The following ZYG11A variants were observed in gnomAD, a reference collection of about 807,000 sequenced individuals.
ZYG11A encodes protein zyg-11 homolog A.
Under a neutral mutation model 77.2 loss-of-function variants are expected in ZYG11A, and 62 were observed. The ratio of observed to expected loss-of-function variants is 0.80; its 90% confidence interval spans 0.65 to 0.99. ZYG11A has a LOEUF of 0.99. Ranked by LOEUF, ZYG11A falls within the 50% of genes least tolerant of loss-of-function variation. The probability of loss-of-function intolerance (pLI) is 0.00; values close to 1 mark genes in which losing one functional copy is unlikely to be tolerated. For missense variants in ZYG11A, 828 were observed against 896.8 expected (o/e 0.92, Z 0.98); for synonymous variants, 315 against 324.6 (o/e 0.97, Z 0.32).
In ZYG11A at chr1:52,849,266, C is replaced by T. The variant is rs190722349; in HGVS notation, c.91-5199C>T. ...TGTATTTTTAGTAGAGATGGGGTTTCACCATATTTGCCAGGATGGTCTCAA... is the reference window on the plus strand; with the variant it reads ...TGTATTTTTAGTAGAGATGGGGTTTTACCATATTTGCCAGGATGGTCTCAA... On this transcript the variant is annotated intron_variant, in intron 1 of 13. Transcript: ENST00000371528. Among the ~76,000 whole-genome samples, 781 of 151,996 alleles carry T rather than the reference C, an allele frequency of 5.1e-3. 8 individuals carry two copies. The highest frequency in any genetic ancestry group is 0.018 in the African/African-American group (757 of 41,484).
At chr1:52,845,165 A>G (rs1645538956) in intron 1 of ZYG11A, among the ~76,000 whole-genome samples, 1 of 152,060 alleles carries the variant, frequency 6.6e-6, no homozygotes, top group Admixed American at 6.6e-5. Flanking sequence ...ATCTCTAGCA[A>G]TATTCTTGTC....
chr1:52,888,835 A>G (rs1646490673), intron 13 of ZYG11A, among the ~76,000 whole-genome samples: 1 of 152,180 alleles, frequency 6.6e-6, no homozygotes, highest in African/African-American at 2.4e-5. Context: ...TAAGATAAGA[A>G]AGAAGGAAAG....
rs1646569673 is a variant in ZYG11A, at chr1:52,892,860, C to T, written c.2183C>T (p.Thr728Ile). The change falls in exon 14 of 14, where the codon ACC becomes ATC. Residue 728 changes from threonine (T) to isoleucine (I), a missense_variant. Transcript: ENST00000371528. ...GATATCCAGGAGCACAGTGAGGCAACCCCCAAAGCACAGCAGATTGCAGCC... is the reference window on the plus strand; with the variant it reads ...GATATCCAGGAGCACAGTGAGGCAATCCCCAAAGCACAGCAGATTGCAGCC... ...LCDIQEHSEA[T>I]PKAQQIAASI... 1.3e-6 allele frequency: 2 copies of T among 1,551,546 alleles called. No individual in the cohort carries two copies. The highest frequency in any genetic ancestry group is 1.7e-6 in the Non-Finnish European group (2 of 1,146,966).
At chr1:52,886,414 A>C (rs182753055) in intron 12 of ZYG11A, among the ~76,000 whole-genome samples, 1 of 152,328 alleles carries the variant, frequency 6.6e-6, no homozygotes, top group East Asian at 1.9e-4. Context: ...TGAGATACTG[A>C]TCATAATAAA....
intron 4 of ZYG11A, 87 bp from the exon 5 acceptor site, chr1:52,863,894 C>T (rs953669857): frequency 2.7e-5 from 34 of 1,255,804 alleles, no homozygotes; most frequent in Middle Eastern, 2.0e-4. Flanking sequence ...TCCCAATAAA[C>T]GAAGATTTGT....
intron 12 of ZYG11A, among the ~76,000 whole-genome samples, chr1:52,886,326 T>G (rs536150120): frequency 1.3e-5 from 2 of 152,258 alleles, no homozygotes; most frequent in Admixed American, 1.3e-4. Flanking sequence ...TTCTCTGATA[T>G]TGGGAAAGTC....
intron 4 of ZYG11A, among the ~76,000 whole-genome samples, chr1:52,862,187 C>T (rs893786818): frequency 2.0e-5 from 3 of 150,688 alleles, no homozygotes; most frequent in Non-Finnish European, 3.0e-5. Flanking sequence ...CCAGCCTGGG[C>T]GACAGAGCAA....
At chr1:52,871,988 G>T (rs1249699645) in intron 8 of ZYG11A, among the ~76,000 whole-genome samples, 1 of 152,132 alleles carries the variant, frequency 6.6e-6, no homozygotes, top group Non-Finnish European at 1.5e-5. Context: ...ATGCTTATGA[G>T]TATTTAATAT....
chr1:52,842,953 C>T lies in ZYG11A; in HGVS notation c.70C>T (p.Leu24=). The change falls in exon 1 of 14, where the codon CTG becomes TTG. Residue 24 remains leucine, a synonymous_variant. Coordinates refer to ENST00000371528, the MANE Select transcript of ZYG11A (RefSeq NM_001004339.3). The part of the protein sequence containing the change: ...IVPPDAQKDA[L]GCCVVQEEAS... The stretch of plus-strand genomic sequence containing the variant: ...CCCTCCTGACGCTCAGAAGGATGCC[C>T]TGGGCTGCTGCGTGGTACAGGTGAG... 1.3e-6 allele frequency: 2 copies of T among 1,530,168 alleles called. No individual in the cohort carries two copies. Among genetic ancestry groups the T allele is most frequent in the Non-Finnish European group, 1.8e-6 (2 of 1,138,220 alleles). 94.8% of individuals were successfully genotyped at this position (1,530,168 alleles called of 1,614,324 possible).
At chr1:52,852,611 G>T (rs372654470) in intron 1 of ZYG11A, among the ~76,000 whole-genome samples, 23 of 152,162 alleles carry the variant, frequency 1.5e-4, no homozygotes, top group African/African-American at 5.5e-4. Flanking sequence ...TGATCCACCC[G>T]CCTTGGCCTC....
intron 1 of ZYG11A, among the ~76,000 whole-genome samples, chr1:52,847,884 T>TTTA (rs1558157089): frequency 3.1e-3 from 101 of 32,564 alleles, no homozygotes; most frequent in South Asian, 0.015. Flanking sequence ...TTATTTATTT[T>TTTA]TTTGAGATGG....
At chr1:52,858,224 T>G (rs1035455453) in intron 3 of ZYG11A, among the ~76,000 whole-genome samples, 1 of 148,238 alleles carries the variant, frequency 6.7e-6, no homozygotes. Flanking sequence ...TGGTGAAACC[T>G]GGTCTCTACT....
intron 8 of ZYG11A, among the ~76,000 whole-genome samples, chr1:52,869,233 A>G (rs959511926): frequency 1.5e-4 from 5 of 34,084 alleles, no homozygotes; most frequent in African/African-American, 6.4e-4. Context: ...TTTTTTTTTT[A>G]GCTTTAGTGA....
intron 1 of ZYG11A, among the ~76,000 whole-genome samples, chr1:52,849,962 G>A (rs951572822): frequency 1.3e-5 from 2 of 152,310 alleles, no homozygotes; most frequent in Non-Finnish European, 2.9e-5. Context: ...GGGATTACAG[G>A]CGTGAGCCAC....
At chr1:52,856,397 G>C (rs74584959) in intron 2 of ZYG11A, among the ~76,000 whole-genome samples, 2,683 of 148,742 alleles carry the variant, frequency 0.018, 43 homozygotes, top group Middle Eastern at 0.08. Flanking sequence ...TTGGGAAGCG[G>C]AGGTTGCAGT....
chr1:52,851,535 T>A (rs1190223242), intron 1 of ZYG11A, among the ~76,000 whole-genome samples: 1 of 151,744 alleles, frequency 6.6e-6, no homozygotes, highest in East Asian at 1.9e-4. Context: ...GTGGCTGGGA[T>A]TACAGGCACG....
intron 1 of ZYG11A, among the ~76,000 whole-genome samples, chr1:52,852,368 A>AT (rs35540943): frequency 0.015 from 2,040 of 134,110 alleles, 29 homozygotes; most frequent in Middle Eastern, 0.14. Context: ...TTTAGAGCAA[A>AT]TTTTTTTTTT....
At position 52,857,575 on chromosome 1, in the gene ZYG11A, A is replaced by G. The variant is rs1645838216; in HGVS notation, c.834A>G (p.Leu278=). 1.3e-6 allele frequency: 2 copies of G among 1,552,038 alleles called. No individual in the cohort carries two copies. Among genetic ancestry groups the G allele is most frequent in the Middle Eastern group, 1.7e-4 (1 of 5,994 alleles). The change falls in exon 3 of 14, where the codon CTA becomes CTG. Residue 278 remains leucine, a synonymous_variant. Coordinates refer to ENST00000371528, the MANE Select transcript of ZYG11A (RefSeq NM_001004339.3). ...QLKSDLAFHL[L]QQKDILPNVV... is the part of the protein sequence containing the mutation. ...AATCAGACCTAGCTTTTCATTTGCT[A>G]CAGCAGAAGGATATCCTGCCCAATG... is the stretch of plus-strand genomic sequence containing the variant.
chr1:52,858,256 T>C (rs1325612268), intron 3 of ZYG11A, among the ~76,000 whole-genome samples: 2 of 148,772 alleles, frequency 1.3e-5, no homozygotes, highest in Non-Finnish European at 3.0e-5. Context: ...AATTAGCCGG[T>C]GTGTTGGCGG....
Sources: gnomAD v4.1 joint callset for allele counts (sites outside exome capture counted in the v4.1 genomes callset) on GRCh38, gnomAD v4.1.1 for gene constraint, MANE v1.5 for transcripts, NCBI Gene and HGNC (gene_info 2026-07-23, HGNC 2026-07-21) for gene names.